Variants in NCAM2 observed in about 807,000 individuals in gnomAD.
The protein encoded by NCAM2 is N-CAM-2.
In NCAM2, 30 loss-of-function variants were observed where a neutral mutation model predicts 98.1. The observed-to-expected ratio is 0.31, with a 90% CI of 0.23 to 0.41. The LOEUF is 0.41. Among genes scored for constraint, NCAM2 ranks in the 10% least tolerant of loss-of-function variants. The pLI, the probability that NCAM2 is intolerant of heterozygous loss-of-function variation, is 1.00. For synonymous variants in NCAM2, 368 were observed against 342.4 expected (o/e 1.07, Z -0.83); for missense variants, 867 against 1,005.8 (o/e 0.86, Z 1.87).
intron 1 of NCAM2, among the ~76,000 whole-genome samples, chr21:21,119,109 G>C (rs1403252435): frequency 6.6e-6 from 1 of 151,740 alleles, no homozygotes; most frequent in Admixed American, 6.6e-5. Context: ...TTTTCATTTG[G>C]GAGATCATGA....
At chr21:21,447,031 C>T (rs1212022831) in intron 12 of NCAM2, among the ~76,000 whole-genome samples, 1 of 152,110 alleles carries the variant, frequency 6.6e-6, no homozygotes, top group East Asian at 1.9e-4. Flanking sequence ...AGACATTCTT[C>T]ACAGATTAGA....
intron 1 of NCAM2, among the ~76,000 whole-genome samples, chr21:21,034,360 G>A (rs184651312): frequency 6.6e-6 from 1 of 152,242 alleles, no homozygotes; most frequent in Non-Finnish European, 1.5e-5. Flanking sequence ...AAACTCTGAA[G>A]CATCTTCAGT....
At chr21:21,341,634 A>G (rs899162287) in intron 8 of NCAM2, among the ~76,000 whole-genome samples, 1 of 152,118 alleles carries the variant, frequency 6.6e-6, no homozygotes, top group Non-Finnish European at 1.5e-5. Context: ...TCATCTAACA[A>G]CATGGCAATG....
At chr21:21,332,715 T>A (rs2074749366) in intron 6 of NCAM2, among the ~76,000 whole-genome samples, 1 of 151,926 alleles carries the variant, frequency 6.6e-6, no homozygotes, top group Admixed American at 6.6e-5. Flanking sequence ...CTGCACACTC[T>A]GTCTTCCAAC....
intron 1 of NCAM2, among the ~76,000 whole-genome samples, chr21:21,097,879 A>G (rs112378351): frequency 1.8e-4 from 7 of 39,166 alleles, no homozygotes; most frequent in African/African-American, 3.4e-4. Flanking sequence ...TTTATAGGAC[A>G]TGCTTTCCCA....
Position 21,543,203 on chromosome 21 carries a change from G to A in NCAM2, c.*5246G>A, listed in dbSNP as rs937698956. ...AATGCTGTATATATATGTCTAAACT[G>A]TAAAAATTATACTGCAAATGTTGAA... On this transcript the variant is annotated 3_prime_UTR_variant, in exon 18 of 18. Transcript: ENST00000400546. 2.6e-5 allele frequency: 4 copies of A among 151,736 alleles called. No individual in the cohort carries two copies. The highest frequency in any genetic ancestry group is 1.5e-5 in the Non-Finnish European group (1 of 67,818). The allele number at this position is 151,736 out of a possible 1,614,324, so 9.4% of individuals were successfully genotyped here. A position where few individuals can be genotyped will look rare whatever the true frequency, so the allele number is the denominator to read the frequency against.
At chr21:21,259,450 G>A (rs1237335374) in intron 1 of NCAM2, among the ~76,000 whole-genome samples, 1 of 2,144 alleles carries the variant, frequency 4.7e-4, no homozygotes, top group Non-Finnish European at 3.2e-3. Context: ...GCATCCCCCA[G>A]CCCCTTCTCT....
chr21:21,214,766 A>T (rs1174281809), intron 1 of NCAM2, among the ~76,000 whole-genome samples: 1 of 110,474 alleles, frequency 9.1e-6, no homozygotes, highest in African/African-American at 3.0e-5. Flanking sequence ...ATACACATAT[A>T]TGTAATATAT....
chr21:21,330,885 A>G (rs777075429), intron 6 of NCAM2, among the ~76,000 whole-genome samples: 1 of 152,048 alleles, frequency 6.6e-6, no homozygotes, highest in East Asian at 1.9e-4. Flanking sequence ...TTACGTCACT[A>G]TGTCTTCAAG....
In NCAM2 at chr21:21,073,138, A is replaced by C. The variant is rs889546209; in HGVS notation, c.55+74520A>C. Among the ~76,000 whole-genome samples the C allele has an allele frequency of 2.6e-5, 4 of 152,180 alleles. No individual in the cohort carries two copies. The South Asian group carries it at 8.3e-4, about 32-fold the overall frequency. The stretch of plus-strand genomic sequence containing the variant: ...ACTTGAGGGTTCATTCATATGCAGC[A>C]TATGTCAAAATTTATTTTCTTTTTA... On this transcript the variant is annotated intron_variant, in intron 1 of 17. Transcript: ENST00000400546.
In NCAM2 at chr21:21,284,192, A is replaced by C; in HGVS notation, c.131-2A>C. On this transcript the variant is annotated splice_acceptor_variant, in intron 2 of 17. Coordinates refer to ENST00000400546, the MANE Select transcript of NCAM2 (RefSeq NM_004540.5). LOFTEE classifies it high-confidence loss of function. ...ACCTTTATTTTCCATGGCTCTTTGC[A>C]GCGATTGGTGAACCTGAAAGTATAG... 1 of 1,607,004 alleles carries C rather than the reference A, an allele frequency of 6.2e-7. No individual in the cohort carries two copies. Among genetic ancestry groups the C allele is most frequent in the Non-Finnish European group, 8.5e-7 (1 of 1,174,020 alleles).
At chr21:21,356,313 T>C (rs911565204) in intron 8 of NCAM2, among the ~76,000 whole-genome samples, 6 of 152,162 alleles carry the variant, frequency 3.9e-5, no homozygotes, top group Non-Finnish European at 7.4e-5. Context: ...TTTATTGCAA[T>C]TTAATATTGT....
chr21:21,442,138 G>T (rs963305321), intron 12 of NCAM2, among the ~76,000 whole-genome samples: 2 of 152,060 alleles, frequency 1.3e-5, no homozygotes, highest in African/African-American at 4.8e-5. Context: ...GGGGTGTTTT[G>T]TGTAGAGTAT....
chr21:21,364,531 G>T (rs1332785928), intron 8 of NCAM2, among the ~76,000 whole-genome samples: 1 of 151,686 alleles, frequency 6.6e-6, no homozygotes, highest in African/African-American at 2.4e-5. Flanking sequence ...TAATGACATA[G>T]GTATGTTAAC....
chr21:21,280,913 C>G (rs1160121911), intron 2 of NCAM2, among the ~76,000 whole-genome samples: 1 of 151,912 alleles, frequency 6.6e-6, no homozygotes, highest in Non-Finnish European at 1.5e-5. Flanking sequence ...TCTTCAGTAG[C>G]TGGACTACAG....
chr21:21,350,243 C>T (rs1429500949), intron 8 of NCAM2, among the ~76,000 whole-genome samples: 2 of 151,950 alleles, frequency 1.3e-5, no homozygotes, highest in South Asian at 2.1e-4. Context: ...TAAAAAAAAT[C>T]TAGAAACTTA....
intron 1 of NCAM2, among the ~76,000 whole-genome samples, chr21:21,119,196 C>T (rs1282775197): frequency 6.6e-6 from 1 of 152,046 alleles, no homozygotes; most frequent in Non-Finnish European, 1.5e-5. Context: ...TACATGTTCT[C>T]CTTAGCATAA....
intron 1 of NCAM2, among the ~76,000 whole-genome samples, chr21:21,243,182 G>T (rs778038008): frequency 6.6e-6 from 1 of 152,152 alleles, no homozygotes; most frequent in Non-Finnish European, 1.5e-5. Flanking sequence ...GGCAGCAGTT[G>T]CATGAAACTC....
At chr21:21,006,110 A>T (rs2064108569) in intron 1 of NCAM2, among the ~76,000 whole-genome samples, 1 of 152,184 alleles carries the variant, frequency 6.6e-6, no homozygotes, top group South Asian at 2.1e-4. Context: ...TACATTTAAG[A>T]TATGATTCGG....
Sources: allele counts gnomAD v4.1 joint callset (sites outside exome capture counted in the v4.1 genomes callset), GRCh38; gene constraint gnomAD v4.1.1; transcripts MANE v1.5; gene names NCBI Gene and HGNC (gene_info 2026-07-23, HGNC 2026-07-21).